The following SUPT20H variants were observed in gnomAD, a reference collection of about 807,000 sequenced individuals.
The protein encoded by SUPT20H is SPT20 homolog, SAGA complex component.
SUPT20H carries 82 observed loss-of-function variants against 122.8 expected under a neutral mutation model. That is an observed-to-expected ratio of 0.67 (90% CI 0.56 to 0.80). SUPT20H has a LOEUF of 0.80. Ranked by LOEUF, SUPT20H falls within the 30% of genes least tolerant of loss-of-function variation. The probability of loss-of-function intolerance (pLI) is 0.00; values close to 1 mark genes in which losing one functional copy is unlikely to be tolerated. For missense variants in SUPT20H, 831 were observed against 921.6 expected, an observed-to-expected ratio of 0.90 and a Z score of 1.27; for synonymous variants, 291 against 313.0, an observed-to-expected ratio of 0.93 and a Z score of 0.74.
chr13:37,033,656 C>A, intron 9 of SUPT20H, 68 bp from the exon 10 acceptor site: 1 of 1,491,198 alleles, frequency 6.7e-7, no homozygotes. Context: ...ATATATTGCA[C>A]TTAATCTAGA....
Position 37,021,995 on chromosome 13 carries a change from A to G in SUPT20H, c.1661+16T>C, listed in dbSNP as rs965492699. The G allele has an allele frequency of 3.2e-6, 5 of 1,543,206 alleles. No individual in the cohort carries two copies. Among genetic ancestry groups the G allele is most frequent in the Middle Eastern group, 2.0e-4 (1 of 4,928 alleles). On this transcript the variant is annotated intron_variant, in intron 20 of 25. Transcript: ENST00000350612. The stretch of plus-strand genomic sequence containing the variant: ...ATCTTTATAAAAAAAAAATCCGAAC[A>G]TCAATGCAAACTTACCAAACAGAGC...
In SUPT20H at chr13:37,024,391, G is replaced by A. The variant is rs887719198; in HGVS notation, c.1381C>T (p.His461Tyr). 3.1e-6 allele frequency: 5 copies of A among 1,593,744 alleles called. No homozygotes were observed. The highest frequency in any genetic ancestry group is 4.3e-6 in the Non-Finnish European group (5 of 1,172,632). ...QSSVLGKGVKHRPPPIKLPSS... is the reference protein window; with the variant it reads ...QSSVLGKGVKYRPPPIKLPSS... ...GGAAGTTTGATTGGTGGGGGTCGATGTTTTACACCCTTCCCCAATACCGAA... is the reference window on the plus strand; with the variant it reads ...GGAAGTTTGATTGGTGGGGGTCGATATTTTACACCCTTCCCCAATACCGAA... The change falls in exon 18 of 26, where the codon CAT becomes TAT. Residue 461 changes from histidine to tyrosine, a missense_variant. His to Tyr is a moderately conservative substitution (Grantham distance 83). Transcript: ENST00000350612.
At position 37,009,716 on chromosome 13, in the gene SUPT20H, T is replaced by C; in HGVS notation, c.2296A>G (p.Lys766Glu). The change falls in exon 26 of 26, where the codon AAA becomes GAA. Residue 766 changes from lysine to glutamate, a missense_variant. By Grantham distance (56) the Lys-to-Glu change is moderately conservative. Transcript: ENST00000350612. ...GGCGTGCCTCTCTTCATTTTACTTTTTGACTGGCTGCCTGTATGCCGATGA... is the reference window on the plus strand; with the variant it reads ...GGCGTGCCTCTCTTCATTTTACTTTCTGACTGGCTGCCTGTATGCCGATGA... ...HHHRHTGSQSKSKMKRGTPTT... is the reference protein window; with the variant it reads ...HHHRHTGSQSESKMKRGTPTT... The C allele has an allele frequency of 6.2e-7, 1 of 1,614,130 alleles. No homozygotes were observed.
chr13:37,028,175 T>C lies in SUPT20H; in HGVS notation c.1124A>G (p.Glu375Gly), dbSNP rs754127321. 2 of 1,610,252 alleles carry C rather than the reference T, an allele frequency of 1.2e-6. No homozygotes were observed. The highest frequency in any genetic ancestry group is 2.2e-5 in the South Asian group (2 of 90,296). Residue 375 changes from glutamate to glycine, a missense_variant, in exon 14 of 26, where the codon GAA becomes GGA. Transcript: ENST00000350612. Reference protein sequence around the residue: ...GKIQPCKADEESDSQMSPSHS... With the variant: ...GKIQPCKADEGSDSQMSPSHS... ...TGATGGAGACATCTGGCTGTCACTT[T>C]CTTCATCTGCTTTACATGGCTGTAT... is the stretch of plus-strand genomic sequence containing the variant.
chr13:37,012,325 T>C, intron 23 of SUPT20H, 28 bp from the exon 24 acceptor site: 1 of 1,574,226 alleles, frequency 6.4e-7, no homozygotes, highest in Non-Finnish European at 8.7e-7. Flanking sequence ...AAATGACTTG[T>C]ACAAGAAAGA....
intron 16 of SUPT20H, 82 bp from the exon 17 acceptor site, chr13:37,025,519 A>G: frequency 1.1e-6 from 1 of 873,144 alleles, no homozygotes; most frequent in Non-Finnish European, 1.8e-6. Context: ...AATAATGACT[A>G]TTAATGGCAA....
At position 37,009,654 on chromosome 13, in the gene SUPT20H, C is replaced by A; in HGVS notation, c.*18G>T. On this transcript the variant is annotated 3_prime_UTR_variant, in exon 26 of 26. Transcript: ENST00000350612. Reference sequence around the variant, plus strand: ...TGCTCTTGTGTTTTTAAAAAAGGAACAAAAAGTAATGCAAGACTCAAAATT... The same window carrying A: ...TGCTCTTGTGTTTTTAAAAAAGGAAAAAAAAGTAATGCAAGACTCAAAATT... 6.2e-7 allele frequency: 1 copy of A among 1,612,278 alleles called. No homozygotes were observed. The highest frequency in any genetic ancestry group is 8.5e-7 in the Non-Finnish European group (1 of 1,179,500).
chr13:37,025,490 A>T, intron 16 of SUPT20H, 53 bp from the exon 17 acceptor site: 1 of 1,225,390 alleles, frequency 8.2e-7, no homozygotes, highest in Non-Finnish European at 1.2e-6. Context: ...TTTAAACACA[A>T]ATTTATTTTA....
chr13:37,033,985 T>A lies in SUPT20H; in HGVS notation c.568-397A>T, dbSNP rs1203663735. ...ATTATTATTAAATCTATTATGGTGA[T>A]CTGTGATATTCAATGTGTACTAAAT... On this transcript the variant is annotated intron_variant, in intron 9 of 25. Transcript: ENST00000350612. Among the ~76,000 whole-genome samples, 3 of 152,348 alleles carry A rather than the reference T, an allele frequency of 2.0e-5. No individual in the cohort carries two copies. The East Asian group carries it at 5.8e-4, about 29-fold the overall frequency.
intron 13 of SUPT20H, 100 bp from the exon 14 acceptor site, chr13:37,028,405 A>G: frequency 9.1e-7 from 1 of 1,093,242 alleles, no homozygotes; most frequent in Non-Finnish European, 1.3e-6. Flanking sequence ...CATGTATCTG[A>G]CGATAGGAAG....
At chr13:37,025,230 C>G in intron 17 of SUPT20H, 90 bp downstream of exon 17, 1 of 1,150,694 alleles carries the variant, frequency 8.7e-7, no homozygotes, top group Non-Finnish European at 1.3e-6. Flanking sequence ...GCATGAGCCA[C>G]TGTGCCTAGC....
rs1302473974 is a variant in SUPT20H at position 37,017,395 on chromosome 13, T to C, written c.1873-31A>G. 3 of 1,575,534 alleles carry C rather than the reference T, an allele frequency of 1.9e-6. No homozygotes were observed. In the Admixed American group the frequency reaches 5.5e-5, roughly 29 times the overall value. On this transcript the variant is annotated intron_variant, in intron 22 of 25. Transcript: ENST00000350612. ...AAGAATTTAAACAAAAATTAACCAATTTCACATGATTTTATATCAAATATT... is the reference window on the plus strand; with the variant it reads ...AAGAATTTAAACAAAAATTAACCAACTTCACATGATTTTATATCAAATATT...
At chr13:37,024,274 TA>T (rs2061834265) in intron 18 of SUPT20H, 65 bp downstream of exon 18, 1 of 1,524,214 alleles carries the variant, frequency 6.6e-7, no homozygotes, top group Non-Finnish European at 8.8e-7. Context: ...GGCAAAGTTT[TA>T]AAAAGAGATT....
intron 7 of SUPT20H, 140 bp from the exon 8 acceptor site, chr13:37,040,832 G>C (rs1034624183): frequency 4.9e-6 from 3 of 617,800 alleles, no homozygotes; most frequent in Non-Finnish European, 8.6e-6. Flanking sequence ...AGATTTCCTT[G>C]GTAGATTTAA....
At chr13:37,042,435 A>G (rs1335268659) in intron 7 of SUPT20H, among the ~76,000 whole-genome samples, 1 of 152,210 alleles carries the variant, frequency 6.6e-6, no homozygotes, top group Non-Finnish European at 1.5e-5. Flanking sequence ...ATTACTAAAG[A>G]AAAACAGAGA....
intron 9 of SUPT20H, 121 bp from the exon 10 acceptor site, chr13:37,033,709 T>TA (rs1363540828): frequency 9.3e-7 from 1 of 1,073,504 alleles, no homozygotes; most frequent in African/African-American, 1.6e-5. Flanking sequence ...TAAAATATGG[T>TA]ATTTCAAGTT....
At chr13:37,030,529 C>A (rs1050956820) in intron 12 of SUPT20H, among the ~76,000 whole-genome samples, 3 of 152,078 alleles carry the variant, frequency 2.0e-5, no homozygotes, top group Admixed American at 6.6e-5. Flanking sequence ...CTAGGTGATT[C>A]TTCTGATTGA....
intron 23 of SUPT20H, chr13:37,013,449 A>G (rs1351965510): frequency 6.6e-6 from 1 of 152,080 alleles, no homozygotes; most frequent in Non-Finnish European, 1.5e-5. Context: ...AACAAAAACA[A>G]AACACGGACC....
chr13:37,040,255 T>C, intron 9 of SUPT20H, 150 bp downstream of exon 9: 1 of 711,002 alleles, frequency 1.4e-6, no homozygotes, highest in Non-Finnish European at 2.2e-6. Context: ...ACCCTTAACT[T>C]CTAGATCTTA....
Sources: allele counts gnomAD v4.1 joint callset (sites outside exome capture counted in the v4.1 genomes callset), GRCh38; gene constraint gnomAD v4.1.1; transcripts MANE v1.5; gene names NCBI Gene and HGNC (gene_info 2026-07-23, HGNC 2026-07-21).